Variants in PC observed in about 807,000 individuals in gnomAD.
The protein encoded by PC is pyruvate carboxylase, mitochondrial.
PC carries 46 observed loss-of-function variants against 107.8 expected under a neutral mutation model. The observed-to-expected ratio is 0.43, with a 90% CI of 0.34 to 0.55. The LOEUF (loss-of-function observed/expected upper bound fraction) is 0.55. PC is among the 20% of genes least tolerant of loss of function. The pLI is 0.04. For missense variants in PC, 1,241 were observed against 1,643.1 expected (o/e 0.76, Z 4.23); for synonymous variants, 662 against 684.7 (o/e 0.97, Z 0.52).
intron 12 of PC, chr11:66,860,075 T>C: frequency 1.9e-6 from 3 of 1,558,834 alleles, no homozygotes; most frequent in Non-Finnish European, 2.6e-6. Context: ...GCTACGGTTA[T>C]GCCAGGCGCC....
At chr11:66,893,277 C>G (rs1174495927) in intron 3 of PC, among the ~76,000 whole-genome samples, 1 of 152,192 alleles carries the variant, frequency 6.6e-6, no homozygotes, top group Admixed American at 6.5e-5. Context: ...AATCAAGGCC[C>G]TTTCCTCACT....
In PC at chr11:66,914,425, C is replaced by CT. The variant is rs1491239276; in HGVS notation, c.-1+38004_-1+38005insA. 2.2e-4 allele frequency among the ~76,000 whole-genome samples: 34 copies of CT among 151,818 alleles called. 1 individual carries two copies. In the East Asian group the frequency reaches 6.4e-3, roughly 29 times the overall value. On this transcript the variant is annotated intron_variant, in intron 3 of 22. Coordinates refer to ENST00000393960, the MANE Select transcript of PC (RefSeq NM_001040716.2). ...TACTAGGGAGGCTGAGGCAGGAAAT[C>CT]GCTTGAACCTGGGAGGCAGAGTTTG... is the stretch of plus-strand genomic sequence containing the variant.
At chr11:66,888,568 G>T (rs1947454972) in intron 3 of PC, among the ~76,000 whole-genome samples, 1 of 152,120 alleles carries the variant, frequency 6.6e-6, no homozygotes, top group African/African-American at 2.4e-5. Context: ...CAGGCCTGGA[G>T]ACCCGCCAGG....
At chr11:66,942,293 G>A (rs1414137989) in intron 3 of PC, among the ~76,000 whole-genome samples, 1 of 151,356 alleles carries the variant, frequency 6.6e-6, no homozygotes, top group African/African-American at 2.4e-5. Context: ...CCAGCTCCTC[G>A]GGAGGCTGAG....
At position 66,852,776 on chromosome 11, in the gene PC, G is replaced by GTGGGGC; in HGVS notation, c.1568_1573dup (p.Ser523_Pro524dup). ...GGGCACTGCAGGGACAACGGGGTCC[G>GTGGGGC]TGGGGCTGGGGCTGGCCTTGACGGG... On this transcript the variant is annotated inframe_insertion, in exon 14 of 23. Transcript: ENST00000393960. This position sits in a 1 kb window ranked among gnomAD's most constrained non-coding sequence, Gnocchi z 4.7. The GTGGGGC allele has an allele frequency of 6.2e-7, 1 of 1,603,408 alleles. No individual in the cohort carries two copies. Among genetic ancestry groups the GTGGGGC allele is most frequent in the Non-Finnish European group, 8.5e-7 (1 of 1,172,384 alleles).
chr11:66,870,245 G>A lies in PC; in HGVS notation c.903+57C>T. The A allele has an allele frequency of 6.2e-7, 1 of 1,605,050 alleles. No individual in the cohort carries two copies. On this transcript the variant is annotated intron_variant, in intron 9 of 22. Transcript: ENST00000393960. The surrounding 1 kb of genome is among the most constrained non-coding windows in gnomAD (Gnocchi z 6.1). Reference sequence around the variant, plus strand: ...TTCCCCAACCAGCGCCCCACTGTGAGGCCTGCCGGCCTGTGAGCACAGGCT... The same window carrying A: ...TTCCCCAACCAGCGCCCCACTGTGAAGCCTGCCGGCCTGTGAGCACAGGCT...
chr11:66,852,815 G>T lies in PC; in HGVS notation c.1535C>A (p.Pro512Gln), dbSNP rs199667095. The T allele has an allele frequency of 6.3e-7, 1 of 1,580,056 alleles. No homozygotes were observed. The highest frequency in any genetic ancestry group is 1.7e-5 in the Admixed American group (1 of 57,880). The part of the protein sequence containing the change: ...HYLGHVMVNG[P>Q]TTPIPVKASP... ...GGCCTTGACGGGAATCGGGGTGGTT[G>T]GACCGTTTACCATGACATGGCCTGG... Residue 512 changes from proline (P) to glutamine (Q), a missense_variant, in exon 14 of 23, where the codon CCA becomes CAA. Pro to Gln is a moderately conservative substitution (Grantham distance 76). Around this residue, in one of 2 missense-constraint regions of PC, gnomAD observed 1,143 missense variants for 1,551.9 expected, o/e 0.74. Coordinates refer to ENST00000393960, the MANE Select transcript of PC (RefSeq NM_001040716.2). The surrounding 1 kb of genome is among the most constrained non-coding windows in gnomAD (Gnocchi z 4.7).
rs1945293130 is a variant in PC at position 66,848,743 on chromosome 11, G to A, written c.*156C>T. On this transcript the variant is annotated 3_prime_UTR_variant, in exon 23 of 23. Coordinates refer to ENST00000393960, the MANE Select transcript of PC (RefSeq NM_001040716.2). The stretch of plus-strand genomic sequence containing the variant: ...GGAAAGGACGATGGCTGAAAGGAAT[G>A]AACCACCGCAGGCGGTGTCTCTCCT... 1.1e-5 allele frequency: 9 copies of A among 845,506 alleles called. No individual in the cohort carries two copies. The South Asian group carries it at 1.2e-4, about 11-fold the overall frequency. 52.4% of individuals were successfully genotyped at this position (845,506 alleles called of 1,614,324 possible).
chr11:66,870,668 G>T lies in PC; in HGVS notation c.751+107C>A. 7.9e-7 allele frequency: 1 copy of T among 1,260,058 alleles called. No homozygotes were observed. Among genetic ancestry groups the T allele is most frequent in the Non-Finnish European group, 1.1e-6 (1 of 872,098 alleles). The allele number at this position is 1,260,058 out of a possible 1,614,324, so 78.1% of individuals were successfully genotyped here. The stretch of plus-strand genomic sequence containing the variant: ...TCCAGAGTCCTCTGGAAAAGCGCCC[G>T]ACAGGCCCCAGGGCTGTCCCCAAGG... On this transcript the variant is annotated intron_variant, in intron 8 of 22. Coordinates refer to ENST00000393960, the MANE Select transcript of PC (RefSeq NM_001040716.2). This position sits in a 1 kb window ranked among gnomAD's most constrained non-coding sequence, Gnocchi z 6.1.
intron 3 of PC, among the ~76,000 whole-genome samples, chr11:66,885,117 C>T (rs1191682125): frequency 1.3e-5 from 2 of 152,164 alleles, no homozygotes; most frequent in South Asian, 2.1e-4. Context: ...GGGTGTCACC[C>T]GGTGTTAGAG....
At chr11:66,941,524 C>T (rs1016567422) in intron 3 of PC, among the ~76,000 whole-genome samples, 2 of 152,052 alleles carry the variant, frequency 1.3e-5, no homozygotes, top group African/African-American at 4.8e-5. Context: ...CAGAGTCTTG[C>T]TCTGTCGCCC....
At position 66,866,139 on chromosome 11, in the gene PC, C is replaced by G; in HGVS notation, c.1185+48G>C. On this transcript the variant is annotated intron_variant, in intron 11 of 22. Transcript: ENST00000393960. The surrounding 1 kb of genome is among the most constrained non-coding windows in gnomAD (Gnocchi z 5.4). Reference sequence around the variant, plus strand: ...CTGCAGCCCCAGGCACCAGGCAGAACCTGTGCACAGGTGAGCTGGCATCTC... The same window carrying G: ...CTGCAGCCCCAGGCACCAGGCAGAAGCTGTGCACAGGTGAGCTGGCATCTC... 6.3e-7 allele frequency: 1 copy of G among 1,589,048 alleles called. No individual in the cohort carries two copies. The highest frequency in any genetic ancestry group is 8.5e-7 in the Non-Finnish European group (1 of 1,171,602).
intron 3 of PC, among the ~76,000 whole-genome samples, chr11:66,919,545 C>T (rs1034759943): frequency 1.4e-4 from 22 of 152,172 alleles, no homozygotes; most frequent in Non-Finnish European, 2.6e-4. Context: ...CATTGGCTGG[C>T]GAGGAAGGGC....
At chr11:66,868,604 G>A (rs759847275) in intron 10 of PC, among the ~76,000 whole-genome samples, 6 of 152,212 alleles carry the variant, frequency 3.9e-5, no homozygotes, top group South Asian at 2.1e-4. Context: ...AATCGGCAGC[G>A]TCCTGACAGA....
At chr11:66,907,388 G>A (rs556203109) in intron 3 of PC, among the ~76,000 whole-genome samples, 1 of 152,144 alleles carries the variant, frequency 6.6e-6, no homozygotes, top group Non-Finnish European at 1.5e-5. Context: ...TTAGCCGGGT[G>A]TGGTGGCACA....
chr11:66,873,546 ATAT>A (rs1946864754), intron 3 of PC, among the ~76,000 whole-genome samples: 1 of 104,086 alleles, frequency 9.6e-6, no homozygotes, highest in Admixed American at 1.7e-4. Flanking sequence ...ATTATATATA[ATAT>A]TATAATATTA....
chr11:66,853,382 G>A lies in PC; in HGVS notation c.1370C>T (p.Thr457Ile). The A allele has an allele frequency of 6.2e-7, 1 of 1,613,612 alleles. No individual in the cohort carries two copies. Among genetic ancestry groups the A allele is most frequent in the Non-Finnish European group, 8.5e-7 (1 of 1,179,652 alleles). Residue 457 changes from threonine to isoleucine, a missense_variant and splice_region_variant, in exon 13 of 23, where the codon ACC (threonine) becomes ATC (isoleucine). Transcript: ENST00000393960. ...LAEFRVRGVK[T>I]NIAFLQNVLN... is the part of the protein sequence containing the mutation. Reference sequence around the variant, plus strand: ...CACATTCTGCAGGAAGGCGATGTTGGTCTGCAGGACAGAGGCGGGTGGGAG... The same window carrying A: ...CACATTCTGCAGGAAGGCGATGTTGATCTGCAGGACAGAGGCGGGTGGGAG...
Position 66,850,400 on chromosome 11 carries a change from C to T in PC, c.2538G>A (p.Ala846=), listed in dbSNP as rs780881730. The T allele has an allele frequency of 2.4e-5, 39 of 1,614,036 alleles. No individual in the cohort carries two copies. The South Asian group carries it at 3.0e-4, about 12-fold the overall frequency. The change falls in exon 19 of 23, where the codon GCG becomes GCA. Residue 846 remains alanine, a synonymous_variant. Coordinates refer to ENST00000393960, the MANE Select transcript of PC (RefSeq NM_001040716.2). ...TCATGGTGGCCGTGCAGTCGAAGGC[C>T]GCGTACAGTCCCCGAGCCCCCTCCC... ...EYWEGARGLY[A]AFDCTATMKS... is the part of the protein sequence containing the mutation.
At chr11:66,890,024 C>T (rs541155897) in intron 3 of PC, among the ~76,000 whole-genome samples, 14 of 152,250 alleles carry the variant, frequency 9.2e-5, no homozygotes, top group East Asian at 3.9e-4. Context: ...CTGTACATGC[C>T]GAATGAGGGA....
Sources: allele counts gnomAD v4.1 joint callset (sites outside exome capture counted in the v4.1 genomes callset), GRCh38; gene constraint gnomAD v4.1.1; regional missense constraint gnomAD v4.1.1; non-coding constraint Gnocchi (gnomAD v3.1); transcripts MANE v1.5; gene names NCBI Gene and HGNC (gene_info 2026-07-23, HGNC 2026-07-21).